CFI: variants seen among roughly 807,000 people sequenced by gnomAD.
CFI encodes complement factor I.
CFI carries 66 observed loss-of-function variants against 78.8 expected under a neutral mutation model. The ratio of observed to expected loss-of-function variants is 0.84; its 90% CI spans 0.69 to 1.03. The LOEUF (loss-of-function observed/expected upper bound fraction) is 1.03, where lower values mean the gene tolerates loss of function less well. Ranked by LOEUF, CFI falls within the 50% of genes least tolerant of loss-of-function variation. The probability of loss-of-function intolerance (pLI) is 0.00; values close to 1 mark genes in which losing one functional copy is unlikely to be tolerated. For missense variants in CFI, 706 were observed against 704.5 expected, an observed-to-expected ratio of 1.00 and a Z score of -0.02; for synonymous variants, 250 against 232.6, an observed-to-expected ratio of 1.07 and a Z score of -0.68.
chr4:109,752,408 A>T, intron 8 of CFI, 60 bp downstream of exon 8: 1 of 1,453,148 alleles, frequency 6.9e-7, no homozygotes, highest in Non-Finnish European at 9.7e-7. Context: ...TATGCAAATG[A>T]CACTGAAATT....
rs748365667 is a variant in CFI, at chr4:109,766,554, C to T, written c.328G>A (p.Gly110Arg). ...FLNNGTCTAEGKFSVSLKHGN... is the reference protein window; with the variant it reads ...FLNNGTCTAERKFSVSLKHGN... ...GACTTGAAAACTAGTCTCTTGCTAC[C>T]TTCGGCTGTGCATGTTCCGTTATTT... Residue 110 changes from glycine to arginine, a missense_variant and splice_region_variant, in exon 2 of 13, where the codon GGA (glycine) becomes AGA (arginine). Physicochemically the swap from Gly to Arg is moderately radical, Grantham distance 125. Coordinates refer to ENST00000394634, the MANE Select transcript of CFI (RefSeq NM_000204.5). 4 of 1,614,142 alleles carry T rather than the reference C, an allele frequency of 2.5e-6. No individual in the cohort carries two copies. Among genetic ancestry groups the T allele is most frequent in the Non-Finnish European group, 2.5e-6 (3 of 1,180,004 alleles).
chr4:109,760,666 T>C (rs1407469634), intron 4 of CFI, 30 bp from the exon 5 acceptor site: 8 of 1,290,522 alleles, frequency 6.2e-6, no homozygotes, highest in Admixed American at 1.7e-5. Flanking sequence ...TTTGTGAAAT[T>C]TATTTATGGA....
chr4:109,773,910 C>T (rs551543525), intron 1 of CFI, among the ~76,000 whole-genome samples: 1 of 152,324 alleles, frequency 6.6e-6, no homozygotes, highest in African/African-American at 2.4e-5. Context: ...AAACAAGCTC[C>T]ATAAATATTC....
chr4:109,738,794 A>C (rs1723532898), downstream of CFI, among the ~76,000 whole-genome samples: 1 of 152,216 alleles, frequency 6.6e-6, no homozygotes, highest in South Asian at 2.1e-4. Flanking sequence ...ACATGAGTGA[A>C]TAAGCCTTCG....
At chr4:109,742,081 G>T in intron 12 of CFI, 1 of 170,670 alleles carries the variant, frequency 5.9e-6, no homozygotes. Context: ...TTTGATCCTG[G>T]GTGTACCACC....
intron 1 of CFI, among the ~76,000 whole-genome samples, chr4:109,768,401 T>G (rs6533457): frequency 0.49 from 73,553 of 149,624 alleles, 21,321 homozygotes; most frequent in Non-Finnish European, 0.66. Flanking sequence ...GTTTTGGCAC[T>G]TACTGTTACA....
chr4:109,758,634 G>A (rs761397420), intron 6 of CFI, among the ~76,000 whole-genome samples: 1 of 152,146 alleles, frequency 6.6e-6, no homozygotes, highest in Non-Finnish European at 1.5e-5. Context: ...ATGGACATAG[G>A]CAACAATTTA....
intron 3 of CFI, chr4:109,762,313 A>G (rs2126217514): frequency 6.6e-6 from 1 of 152,304 alleles, no homozygotes; most frequent in African/African-American, 2.4e-5. Context: ...GGTTAGTTTA[A>G]TTCCTGTAGG....
Position 109,749,257 on chromosome 4 carries a change from A to T in CFI, c.1109T>A (p.Ile370Asn). 1 of 1,614,202 alleles carries T rather than the reference A, an allele frequency of 6.2e-7. No individual in the cohort carries two copies. Among genetic ancestry groups the T allele is most frequent in the Non-Finnish European group, 8.5e-7 (1 of 1,180,026 alleles). ...AGCAGTCAGAATCCAACAGCCACCA[A>T]TATAAATTCCCCCACAGGTGATTCC... ...ASGITCGGIYIGGCWILTAAH... is the reference protein window; with the variant it reads ...ASGITCGGIYNGGCWILTAAH... Residue 370 changes from isoleucine (I) to asparagine (N), a missense_variant, in exon 10 of 13, where the codon ATT (isoleucine) becomes AAT (asparagine). Physicochemically the swap from Ile to Asn is moderately radical, Grantham distance 149. Coordinates refer to ENST00000394634, the MANE Select transcript of CFI (RefSeq NM_000204.5).
At position 109,740,993 on chromosome 4, in the gene CFI, CCA is replaced by C. The variant is rs774728696; in HGVS notation, c.1650_1651del (p.Cys550TrpfsTer17). Reference sequence around the variant, plus strand: ...GTAAACACCTGGGAACTCTGGTTTTCCACAGTTTTCCCCCCAACTCACAACAC... The same window carrying C: ...GTAAACACCTGGGAACTCTGGTTTTCCAGTTTTCCCCCCAACTCACAACAC... On this transcript the variant is annotated frameshift_variant, in exon 13 of 13. Transcript: ENST00000394634. LOFTEE classifies it high-confidence loss of function. The C allele has an allele frequency of 2.5e-6, 4 of 1,614,052 alleles. No individual in the cohort carries two copies. The highest frequency in any genetic ancestry group is 1.6e-4 in the Middle Eastern group (1 of 6,084).
At chr4:109,783,721 A>T (rs764763912) in intron 1 of CFI, among the ~76,000 whole-genome samples, 19 of 151,302 alleles carry the variant, frequency 1.3e-4, no homozygotes, top group Non-Finnish European at 2.4e-4. Flanking sequence ...AGATACTTGC[A>T]CATGCATGTT....
At chr4:109,748,782 T>A (rs1025779538) in intron 10 of CFI, among the ~76,000 whole-genome samples, 2 of 152,264 alleles carry the variant, frequency 1.3e-5, no homozygotes, top group Middle Eastern at 3.4e-3. Flanking sequence ...ATGTTAAAAT[T>A]TTTGTTTCAA....
At chr4:109,770,338 T>A in intron 1 of CFI, among the ~76,000 whole-genome samples, 1 of 151,898 alleles carries the variant, frequency 6.6e-6, no homozygotes, top group Non-Finnish European at 1.5e-5. Context: ...GGTGGGAGGA[T>A]CAGTTGAGGT....
At chr4:109,778,913 C>T (rs1268211736) in intron 1 of CFI, among the ~76,000 whole-genome samples, 2 of 152,114 alleles carry the variant, frequency 1.3e-5, no homozygotes, top group Non-Finnish European at 2.9e-5. Context: ...GCAGAAAAGG[C>T]CTTCGACAAA....
Position 109,745,806 on chromosome 4 carries a change from G to A in CFI, c.1429+416C>T, listed in dbSNP as rs1724338157. ...TCCCCAACAAATCCAAACAGTCCAT[G>A]CTGTATGTCTCCCTGTCTCTATATT... On this transcript the variant is annotated intron_variant, in intron 11 of 12. Transcript: ENST00000394634. Among the ~76,000 whole-genome samples the A allele has an allele frequency of 1.3e-5, 2 of 152,114 alleles. 1 individual carries two copies. Among genetic ancestry groups the A allele is most frequent in the Admixed American group, 1.3e-4 (2 of 15,270 alleles).
At chr4:109,743,415 C>T (rs921204557) in intron 11 of CFI, among the ~76,000 whole-genome samples, 5 of 152,176 alleles carry the variant, frequency 3.3e-5, no homozygotes, top group Non-Finnish European at 7.3e-5. Context: ...CCGACGGTAG[C>T]TGAGGCAGCG....
chr4:109,768,707 G>A (rs954499215), intron 1 of CFI, among the ~76,000 whole-genome samples: 1 of 152,110 alleles, frequency 6.6e-6, no homozygotes, highest in South Asian at 2.1e-4. Flanking sequence ...CCTGCTGCCC[G>A]CAGTGAGCCC....
chr4:109,749,291 C>T lies in CFI; in HGVS notation c.1075G>A (p.Asp359Asn). 6.2e-7 allele frequency: 1 copy of T among 1,614,144 alleles called. No individual in the cohort carries two copies. The highest frequency in any genetic ancestry group is 1.1e-5 in the South Asian group (1 of 91,078). Residue 359 changes from aspartate to asparagine, a missense_variant, in exon 10 of 13, where the codon GAT (aspartate) becomes AAT (asparagine). Asp to Asn is a conservative substitution (Grantham distance 23, BLOSUM62 1). Transcript: ENST00000394634. ...CCCCCACAGGTGATTCCACTGGCAT[C>T]CTTAATTGCCACCTGCCATGGGAGG... Reference protein sequence around the residue: ...GDLPWQVAIKDASGITCGGIY... With the variant: ...GDLPWQVAIKNASGITCGGIY...
chr4:109,740,888 C>A lies in CFI; in HGVS notation c.*5G>T, dbSNP rs1223098518. ...AAGAATAGAATGAAGAGAGAGATCA[C>A]AATTTTATACATTGTACTGAGAAAT... On this transcript the variant is annotated 3_prime_UTR_variant, in exon 13 of 13. Transcript: ENST00000394634. 1 of 1,610,602 alleles carries A rather than the reference C, an allele frequency of 6.2e-7. No homozygotes were observed. Among genetic ancestry groups the A allele is most frequent in the Non-Finnish European group, 8.5e-7 (1 of 1,176,858 alleles).
Sources: gnomAD v4.1 joint callset for allele counts (sites outside exome capture counted in the v4.1 genomes callset) on GRCh38, gnomAD v4.1.1 for gene constraint, MANE v1.5 for transcripts, NCBI Gene and HGNC (gene_info 2026-07-23, HGNC 2026-07-21) for gene names.